Variants in DMP1 observed in about 807,000 individuals in gnomAD.
The protein encoded by DMP1 is dentin matrix protein 1.
In DMP1, 20 loss-of-function variants were observed where a neutral mutation model predicts 14.6. The observed-to-expected ratio is 1.37, with a 90% confidence interval of 0.96 to 1.99. The LOEUF (loss-of-function observed/expected upper bound fraction) is 1.99. DMP1 is among the 30% of genes most tolerant of loss of function. The pLI is 0.00. For missense variants in DMP1, 567 were observed against 620.5 expected, an observed-to-expected ratio of 0.91 and a Z score of 0.92; for synonymous variants, 197 against 215.3, an observed-to-expected ratio of 0.91 and a Z score of 0.75.
rs945507444 is a variant in DMP1 at position 87,663,783 on chromosome 4, G to A, written c.*463G>A. Reference sequence around the variant, plus strand: ...GAATTGTTACAACCCAGTATGGTGAGTGCCAAGACAGAGAGCTATGAACAC... The same window carrying A: ...GAATTGTTACAACCCAGTATGGTGAATGCCAAGACAGAGAGCTATGAACAC... On this transcript the variant is annotated 3_prime_UTR_variant, in exon 6 of 6. Coordinates refer to ENST00000339673, the MANE Select transcript of DMP1 (RefSeq NM_004407.4). The A allele has an allele frequency of 4.5e-6, 1 of 221,226 alleles. No homozygotes were observed. Among genetic ancestry groups the A allele is most frequent in the Admixed American group, 5.2e-5 (1 of 19,068 alleles). The allele number at this position is 221,226 out of a possible 1,614,324, so 13.7% of individuals were successfully genotyped here. A position where few individuals can be genotyped will look rare whatever the true frequency, so the allele number is the denominator to read the frequency against.
intron 1 of DMP1, among the ~76,000 whole-genome samples, chr4:87,653,522 C>T (rs909614741): frequency 6.7e-6 from 1 of 149,374 alleles, no homozygotes; most frequent in Non-Finnish European, 1.5e-5. Context: ...ACCTCCCTGG[C>T]TCAAAGAATT....
At chr4:87,650,714 A>G (rs573013993) in intron 1 of DMP1, among the ~76,000 whole-genome samples, 155 of 152,348 alleles carry the variant, frequency 1.0e-3, no homozygotes, top group African/African-American at 3.6e-3. Context: ...AGCAAAACGT[A>G]TAAAACTTTT....
At chr4:87,652,801 T>A (rs1728559589) in intron 1 of DMP1, among the ~76,000 whole-genome samples, 1 of 152,204 alleles carries the variant, frequency 6.6e-6, no homozygotes. Flanking sequence ...GCTCTAACAT[T>A]TGCTAGCTTT....
chr4:87,659,424 C>T lies in DMP1; in HGVS notation c.136-7C>T. On this transcript the variant is annotated splice_region_variant and splice_polypyrimidine_tract_variant and intron_variant, in intron 4 of 5. Transcript: ENST00000339673. ...AAAAAGAAAAGTAAACATTTTTCCC[C>T]TTTCAGGAGAGCAGTGAGTCATCAG... The T allele has an allele frequency of 6.2e-7, 1 of 1,613,930 alleles. No homozygotes were observed. Among genetic ancestry groups the T allele is most frequent in the African/African-American group, 1.3e-5 (1 of 75,008 alleles).
intron 1 of DMP1, among the ~76,000 whole-genome samples, chr4:87,652,922 G>GA (rs143211258): frequency 0.28 from 42,559 of 151,896 alleles, 6,227 homozygotes; most frequent in East Asian, 0.42. Context: ...GTTATTTTGA[G>GA]AATATCATAT....
intron 3 of DMP1, among the ~76,000 whole-genome samples, chr4:87,658,076 G>A (rs1578152867): frequency 6.6e-6 from 1 of 152,306 alleles, no homozygotes; most frequent in East Asian, 1.9e-4. Flanking sequence ...AACATGCCCT[G>A]TTCTCAAGTC....
At position 87,663,426 on chromosome 4, in the gene DMP1, G is replaced by C; in HGVS notation, c.*106G>C. On this transcript the variant is annotated 3_prime_UTR_variant, in exon 6 of 6. Transcript: ENST00000339673. ...GATGTTTTGATCAAAAGAATAACCA[G>C]ATGCCATATTTTTCCTGAAAGGAAT... 1 of 1,548,466 alleles carries C rather than the reference G, an allele frequency of 6.5e-7. No individual in the cohort carries two copies. The highest frequency in any genetic ancestry group is 2.2e-5 in the East Asian group (1 of 44,446).
chr4:87,661,901 G>C, intron 5 of DMP1, 61 bp from the exon 6 acceptor site: 1 of 1,613,664 alleles, frequency 6.2e-7, no homozygotes, highest in Non-Finnish European at 8.5e-7. Flanking sequence ...AAAGGCTCTA[G>C]ATAACTCCTT....
At chr4:87,657,361 C>T (rs1435345413) in intron 3 of DMP1, 1 of 225,572 alleles carries the variant, frequency 4.4e-6, no homozygotes, top group Non-Finnish European at 8.8e-6. Context: ...GAGATTATGA[C>T]TTGAAATCTG....
rs183996325 is a variant in DMP1, at chr4:87,663,693, T to A, written c.*373T>A. 258 of 345,014 alleles carry A rather than the reference T, an allele frequency of 7.5e-4. No individual in the cohort carries two copies. Among genetic ancestry groups the A allele is most frequent in the Non-Finnish European group, 1.3e-3 (231 of 180,268 alleles). The allele number at this position is 345,014 out of a possible 1,614,324, so 21.4% of individuals were successfully genotyped here. A position where few individuals can be genotyped will look rare whatever the true frequency, so the allele number is the denominator to read the frequency against. On this transcript the variant is annotated 3_prime_UTR_variant, in exon 6 of 6. Coordinates refer to ENST00000339673, the MANE Select transcript of DMP1 (RefSeq NM_004407.4). ...CAGGTTAAGACTTGTTTCTTGCTCC[T>A]GAGGAGCGTATAGAAGGACCCACAA...
At chr4:87,653,384 G>A (rs1289598836) in intron 1 of DMP1, among the ~76,000 whole-genome samples, 2 of 74,818 alleles carry the variant, frequency 2.7e-5, no homozygotes, top group Non-Finnish European at 5.5e-5. Flanking sequence ...GCATTATCGA[G>A]TGATATATAT....
intron 5 of DMP1, among the ~76,000 whole-genome samples, chr4:87,659,898 C>T (rs937928167): frequency 2.6e-5 from 4 of 152,214 alleles, no homozygotes; most frequent in African/African-American, 9.7e-5. Context: ...GAAGACAGAA[C>T]AGGACAGCCC....
chr4:87,661,987 C>T lies in DMP1; in HGVS notation c.209C>T (p.Thr70Ile). 1 of 1,614,136 alleles carries T rather than the reference C, an allele frequency of 6.2e-7. No individual in the cohort carries two copies. Among genetic ancestry groups the T allele is most frequent in the Non-Finnish European group, 8.5e-7 (1 of 1,179,986 alleles). ...EQANEDPSDS[T>I]QSEEGLGSDD... ...GCAAATGAAGACCCCAGTGACAGCA[C>T]TCAGTCAGAGGAGGGCCTGGGCTCT... The change falls in exon 6 of 6, where the codon ACT (threonine) becomes ATT (isoleucine). Residue 70 changes from threonine to isoleucine, a missense_variant. Coordinates refer to ENST00000339673, the MANE Select transcript of DMP1 (RefSeq NM_004407.4).
intron 5 of DMP1, among the ~76,000 whole-genome samples, chr4:87,661,366 C>T (rs1447050013): frequency 1.3e-5 from 2 of 152,010 alleles, no homozygotes; most frequent in Non-Finnish European, 2.9e-5. Flanking sequence ...GGACTACAGG[C>T]GCCCGCCACC....
At position 87,655,524 on chromosome 4, in the gene DMP1, C is replaced by A. The variant is rs542620605; in HGVS notation, c.-21-948C>A. Reference sequence around the variant, plus strand: ...TAATTATGTATAATGTATGACTAAACGTGTCACAGTAGATATTAAGAGCTT... The same window carrying A: ...TAATTATGTATAATGTATGACTAAAAGTGTCACAGTAGATATTAAGAGCTT... On this transcript the variant is annotated intron_variant, in intron 1 of 5. Transcript: ENST00000339673. Among the ~76,000 whole-genome samples the A allele has an allele frequency of 2.9e-3, 440 of 151,654 alleles. 2 individuals carry two copies. The highest frequency in any genetic ancestry group is 5.1e-3 in the Non-Finnish European group (343 of 67,894).
At chr4:87,658,091 C>T (rs1412281230) in intron 3 of DMP1, among the ~76,000 whole-genome samples, 1 of 152,242 alleles carries the variant, frequency 6.6e-6, no homozygotes, top group African/African-American at 2.4e-5. Context: ...CAAGTCTAGC[C>T]TTGGCATGAG....
At chr4:87,655,281 T>G (rs1728653382) in intron 1 of DMP1, among the ~76,000 whole-genome samples, 1 of 152,198 alleles carries the variant, frequency 6.6e-6, no homozygotes, top group African/African-American at 2.4e-5. Flanking sequence ...TTAAACCATT[T>G]CAATAAATTT....
intron 1 of DMP1, among the ~76,000 whole-genome samples, chr4:87,654,105 T>C (rs2169503): frequency 0.28 from 43,066 of 152,070 alleles, 6,692 homozygotes; most frequent in African/African-American, 0.41. Context: ...TTCTTCCTTC[T>C]TGATATGGGA....
rs70957272 is a variant in DMP1, at chr4:87,661,204, ATTTTTTTTTTTTTTTTTT to A, written c.184-739_184-722del. 1.7e-3 allele frequency among the ~76,000 whole-genome samples: 115 copies of A among 66,646 alleles called. 2 individuals carry two copies. Among genetic ancestry groups the A allele is most frequent in the African/African-American group, 4.9e-3 (83 of 16,772 alleles). 43.7% of individuals were successfully genotyped at this position (66,646 alleles called of 152,430 possible). Reference sequence around the variant, plus strand: ...AGGTTTGTGGCACCACAGCCAGCTAATTTTTTTTTTTTTTTTTTTTTTTTTTTTTTTTTTTTGAGACGG... The same window carrying A: ...AGGTTTGTGGCACCACAGCCAGCTAATTTTTTTTTTTTTTTTTTGAGACGG... On this transcript the variant is annotated intron_variant, in intron 5 of 5. Transcript: ENST00000339673.
Sources: allele counts gnomAD v4.1 joint callset (sites outside exome capture counted in the v4.1 genomes callset), GRCh38; gene constraint gnomAD v4.1.1; transcripts MANE v1.5; gene names NCBI Gene and HGNC (gene_info 2026-07-23, HGNC 2026-07-21).